PCDHB8: variants seen among roughly 807,000 people sequenced by gnomAD.
PCDHB8 encodes protocadherin beta-8.
For missense variants in PCDHB8, 836 were observed against 1,004.0 expected (o/e 0.83, Z 2.26); for synonymous variants, 385 against 448.5 (o/e 0.86, Z 1.79).
Position 141,180,210 on chromosome 5 carries a change from T to A in PCDHB8, c.2176T>A (p.Cys726Ser). The change falls in exon 1 of 1, where the codon TGC (cysteine) becomes AGC (serine). Residue 726 changes from cysteine (C) to serine (S), a missense_variant. Cys to Ser is a moderately radical substitution (Grantham distance 112, BLOSUM62 -1). Coordinates refer to ENST00000239444, the MANE Select transcript of PCDHB8 (RefSeq NM_019120.5). ...GAGCAGGGCGGCCTCGGTGGGTCGC[T>A]GCTCAGTGCCTGAGGGCCCCTTTCC... is the stretch of plus-strand genomic sequence containing the variant. ...RRSRAASVGR[C>S]SVPEGPFPGH... The A allele has an allele frequency of 6.2e-7, 1 of 1,612,622 alleles. No homozygotes were observed. Among genetic ancestry groups the A allele is most frequent in the Non-Finnish European group, 8.5e-7 (1 of 1,179,788 alleles).
rs781858287 is a variant in PCDHB8, at chr5:141,179,915, C to A, written c.1881C>A (p.Thr627=). ...GGGCGCACAATGGCGAGGTGCGCAC[C>A]GCCAGGCTGCTGAGCGAGCGCGACG... ...GVWAHNGEVR[T]ARLLSERDAA... is the part of the protein sequence containing the mutation. Residue 627 remains threonine, a synonymous_variant, in exon 1 of 1, where the codon ACC becomes ACA. Transcript: ENST00000239444. 22 of 1,609,054 alleles carry A rather than the reference C, an allele frequency of 1.4e-5. No homozygotes were observed. The Admixed American group carries it at 1.8e-4, about 13-fold the overall frequency.
In PCDHB8 at chr5:141,179,522, T is replaced by C. The variant is rs17844497; in HGVS notation, c.1488T>C (p.Asp496=). 197,292 of 1,507,258 alleles carry C rather than the reference T, an allele frequency of 0.13. 21,041 individuals are homozygous for C. The highest frequency in any genetic ancestry group is 0.17 in the Middle Eastern group (902 of 5,358). 93.4% of individuals were successfully genotyped at this position (1,507,258 alleles called of 1,614,324 possible). A position where few individuals can be genotyped will look rare whatever the true frequency, so the allele number is the denominator to read the frequency against. Residue 496 remains aspartate (D), a synonymous_variant, in exon 1 of 1, where the codon GAT becomes GAC. Coordinates refer to ENST00000239444, the MANE Select transcript of PCDHB8 (RefSeq NM_019120.5). ...CCTACTCGCTGCTGCCGCCCCAGGATCCGCACCTGCCCCTCGCCTCCCTGG... is the reference window on the plus strand; with the variant it reads ...CCTACTCGCTGCTGCCGCCCCAGGACCCGCACCTGCCCCTCGCCTCCCTGG... ...QVTYSLLPPQ[D]PHLPLASLVS...
In PCDHB8 at chr5:141,180,086, C is replaced by G. The variant is rs373119743; in HGVS notation, c.2052C>G (p.Ala684=). 1.2e-6 allele frequency: 2 copies of G among 1,610,234 alleles called. No individual in the cohort carries two copies. The highest frequency in any genetic ancestry group is 1.1e-5 in the South Asian group (1 of 90,998). ...AGGCTGCCCCAGCCCAGGGCCAGGC[C>G]GACTCTCTCACCGTCTACCTGGTGG... ...LPEAAPAQGQ[A]DSLTVYLVVA... is the part of the protein sequence containing the mutation. The change falls in exon 1 of 1, where the codon GCC becomes GCG. Residue 684 remains alanine (A), a synonymous_variant. Coordinates refer to ENST00000239444, the MANE Select transcript of PCDHB8 (RefSeq NM_019120.5).
rs1554281657 is a variant in PCDHB8, at chr5:141,180,250, A to T, written c.2216A>T (p.Asp739Val). 6.2e-7 allele frequency: 1 copy of T among 1,613,430 alleles called. No individual in the cohort carries two copies. Among genetic ancestry groups the T allele is most frequent in the East Asian group, 2.2e-5 (1 of 44,848 alleles). ...GGCCCCTTTCCAGGGCATCTGGTGG[A>T]CGTGAGGGGCACCGGGAGCCTGTCT... is the stretch of plus-strand genomic sequence containing the variant. Reference protein sequence around the residue: ...PEGPFPGHLVDVRGTGSLSQN... With the variant: ...PEGPFPGHLVVVRGTGSLSQN... Residue 739 changes from aspartate to valine, a missense_variant, in exon 1 of 1, where the codon GAC (aspartate) becomes GTC (valine). By Grantham distance (152) the Asp-to-Val change is radical. Coordinates refer to ENST00000239444, the MANE Select transcript of PCDHB8 (RefSeq NM_019120.5).
Position 141,177,794 on chromosome 5 carries a change from G to T in PCDHB8, c.-241G>T. On this transcript the variant is annotated 5_prime_UTR_variant, in exon 1 of 1. Transcript: ENST00000239444. ...AGATCCTGTGAGGACCCGTGGTGGC[G>T]CTGCAGGATAAGAAGGCACAAACCA... 1 of 630,172 alleles carries T rather than the reference G, an allele frequency of 1.6e-6. No individual in the cohort carries two copies. Among genetic ancestry groups the T allele is most frequent in the Admixed American group, 3.1e-5 (1 of 32,744 alleles). The allele number at this position is 630,172 out of a possible 1,614,324, so 39.0% of individuals were successfully genotyped here. A position where few individuals can be genotyped will look rare whatever the true frequency, so the allele number is the denominator to read the frequency against.
At position 141,180,014 on chromosome 5, in the gene PCDHB8, C is replaced by A. The variant is rs61735944; in HGVS notation, c.1980C>A (p.His660Gln). ...CGTGCTCGGCCACCGCCACGCTGCA[C>A]GTGCTCCTGGTGGACGGCTTCTCCC... The part of the protein sequence containing the change: ...EPPCSATATL[H>Q]VLLVDGFSQP... The change falls in exon 1 of 1, where the codon CAC becomes CAA. Residue 660 changes from histidine to glutamine, a missense_variant. His to Gln is a conservative substitution (Grantham distance 24, BLOSUM62 0). Transcript: ENST00000239444. The A allele has an allele frequency of 1.2e-3, 1,936 of 1,609,142 alleles. 11 individuals are homozygous for A. The African/African-American group carries it at 0.02, about 16-fold the overall frequency.
rs1753505949 is a variant in PCDHB8 at position 141,179,920 on chromosome 5, G to A, written c.1886G>A (p.Arg629Lys). The A allele has an allele frequency of 6.2e-7, 1 of 1,609,066 alleles. No individual in the cohort carries two copies. Among genetic ancestry groups the A allele is most frequent in the Admixed American group, 1.7e-5 (1 of 59,968 alleles). The change falls in exon 1 of 1, where the codon AGG becomes AAG. Residue 629 changes from arginine (R) to lysine (K), a missense_variant. Transcript: ENST00000239444. ...WAHNGEVRTA[R>K]LLSERDAAKQ... ...CACAATGGCGAGGTGCGCACCGCCA[G>A]GCTGCTGAGCGAGCGCGACGCGGCC...
At position 141,178,805 on chromosome 5, in the gene PCDHB8, A is replaced by T. The variant is rs782485411; in HGVS notation, c.771A>T (p.Pro257=). 1 of 1,614,148 alleles carries T rather than the reference A, an allele frequency of 6.2e-7. No homozygotes were observed. The highest frequency in any genetic ancestry group is 1.3e-5 in the African/African-American group (1 of 75,052). The change falls in exon 1 of 1, where the codon CCA becomes CCT. Residue 257 remains proline (P), a synonymous_variant. Transcript: ENST00000239444. ...FYRVQISEDS[P]ISFLVVKVSA... The stretch of plus-strand genomic sequence containing the variant: ...GGGTGCAGATCTCTGAGGACAGTCC[A>T]ATAAGCTTCCTGGTTGTGAAGGTCT...
rs1753530332 is a variant in PCDHB8 at position 141,180,317 on chromosome 5, G to A, written c.2283G>A (p.Gly761=). The A allele has an allele frequency of 6.2e-7, 1 of 1,614,102 alleles. No individual in the cohort carries two copies. The highest frequency in any genetic ancestry group is 1.3e-5 in the African/African-American group (1 of 75,052). The part of the protein sequence containing the change: ...QYEVCLAGGS[G]TNEFQLLKPV... ...AGGTGTGCCTGGCAGGAGGCTCAGG[G>A]ACGAATGAGTTCCAGCTCCTGAAAC... The change falls in exon 1 of 1, where the codon GGG becomes GGA. Residue 761 remains glycine, a synonymous_variant. Transcript: ENST00000239444.
rs782559882 is a variant in PCDHB8, at chr5:141,180,230, C to A, written c.2196C>A (p.Pro732=). Residue 732 remains proline (P), a synonymous_variant, in exon 1 of 1, where the codon CCC becomes CCA. Coordinates refer to ENST00000239444, the MANE Select transcript of PCDHB8 (RefSeq NM_019120.5). ...SVGRCSVPEG[P]FPGHLVDVRG... The stretch of plus-strand genomic sequence containing the variant: ...GTCGCTGCTCAGTGCCTGAGGGCCC[C>A]TTTCCAGGGCATCTGGTGGACGTGA... 2 of 1,613,344 alleles carry A rather than the reference C, an allele frequency of 1.2e-6. No individual in the cohort carries two copies. Among genetic ancestry groups the A allele is most frequent in the Non-Finnish European group, 1.7e-6 (2 of 1,180,004 alleles).
In PCDHB8 at chr5:141,179,129, G is replaced by C. The variant is rs112643003; in HGVS notation, c.1095G>C (p.Val365=). Residue 365 remains valine, a synonymous_variant, in exon 1 of 1, where the codon GTG becomes GTC. Transcript: ENST00000239444. ...TACCTGAGAATGCGCCTGAAACTGTGGTTGCACTTTTCAGTGTTTCAGACC... is the reference window on the plus strand; with the variant it reads ...TACCTGAGAATGCGCCTGAAACTGTCGTTGCACTTTTCAGTGTTTCAGACC... The part of the protein sequence containing the change: ...SPIPENAPET[V]VALFSVSDLD... 6.8e-6 allele frequency: 11 copies of C among 1,614,082 alleles called. No individual in the cohort carries two copies. In the African/African-American group the frequency reaches 9.3e-5, roughly 14 times the overall value.
In PCDHB8 at chr5:141,180,244, T is replaced by A. The variant is rs1432799380; in HGVS notation, c.2210T>A (p.Leu737Gln). 1 of 1,613,542 alleles carries A rather than the reference T, an allele frequency of 6.2e-7. No individual in the cohort carries two copies. Among genetic ancestry groups the A allele is most frequent in the Non-Finnish European group, 8.5e-7 (1 of 1,179,972 alleles). The change falls in exon 1 of 1, where the codon CTG becomes CAG. Residue 737 changes from leucine to glutamine, a missense_variant. Transcript: ENST00000239444. ...CCTGAGGGCCCCTTTCCAGGGCATC[T>A]GGTGGACGTGAGGGGCACCGGGAGC... ...SVPEGPFPGH[L>Q]VDVRGTGSLS...
rs534963787 is a variant in PCDHB8, at chr5:141,179,338, A to G, written c.1304A>G (p.His435Arg). 7 of 1,614,098 alleles carry G rather than the reference A, an allele frequency of 4.3e-6. No homozygotes were observed. The highest frequency in any genetic ancestry group is 2.2e-5 in the South Asian group (2 of 91,088). The part of the protein sequence containing the change: ...TDLGTPRLTT[H>R]LNMTVLVSDV... ...TTAGGGACACCCAGGCTGACAACAC[A>G]TCTCAATATGACCGTGCTGGTGTCG... Residue 435 changes from histidine (H) to arginine (R), a missense_variant, in exon 1 of 1, where the codon CAT becomes CGT. Coordinates refer to ENST00000239444, the MANE Select transcript of PCDHB8 (RefSeq NM_019120.5).
At position 141,178,965 on chromosome 5, in the gene PCDHB8, G is replaced by GA. The variant is rs782208162; in HGVS notation, c.936dup (p.Phe313IlefsTer5). The GA allele has an allele frequency of 6.2e-7, 1 of 1,614,088 alleles. No individual in the cohort carries two copies. The highest frequency in any genetic ancestry group is 8.5e-7 in the Non-Finnish European group (1 of 1,180,004). ...TCGACTAAAGAAACAACTTGATTTCGAAAAATTTCAGTCCTATGAAGTCAA... is the reference window on the plus strand; with the variant it reads ...TCGACTAAAGAAACAACTTGATTTCGAAAAAATTTCAGTCCTATGAAGTCAA... On this transcript the variant is annotated frameshift_variant, in exon 1 of 1. Coordinates refer to ENST00000239444, the MANE Select transcript of PCDHB8 (RefSeq NM_019120.5). LOFTEE classifies it low-confidence loss of function (END_TRUNC).
In PCDHB8 at chr5:141,177,839, A is replaced by G. The variant is rs1753416599; in HGVS notation, c.-196A>G. On this transcript the variant is annotated 5_prime_UTR_variant, in exon 1 of 1. Coordinates refer to ENST00000239444, the MANE Select transcript of PCDHB8 (RefSeq NM_019120.5). ...AAACCAGAACCGCAGCTGCAGCTCC[A>G]TTAACCGGCAAAAAGCAGCAGAACC... 1 of 623,822 alleles carries G rather than the reference A, an allele frequency of 1.6e-6. No homozygotes were observed. Among genetic ancestry groups the G allele is most frequent in the East Asian group, 3.0e-5 (1 of 33,268 alleles). The allele number at this position is 623,822 out of a possible 1,614,324, so 38.6% of individuals were successfully genotyped here. A position where few individuals can be genotyped will look rare whatever the true frequency, so the allele number is the denominator to read the frequency against.
Position 141,178,951 on chromosome 5 carries a change from A to G in PCDHB8, c.917A>G (p.Lys306Arg). Reference sequence around the variant, plus strand: ...TTGACAGGAGAAATTCGACTAAAGAAACAACTTGATTTCGAAAAATTTCAG... The same window carrying G: ...TTGACAGGAGAAATTCGACTAAAGAGACAACTTGATTTCGAAAAATTTCAG... ...DFLTGEIRLK[K>R]QLDFEKFQSY... The change falls in exon 1 of 1, where the codon AAA (lysine) becomes AGA (arginine). Residue 306 changes from lysine (K) to arginine (R), a missense_variant. Transcript: ENST00000239444. 6.2e-7 allele frequency: 1 copy of G among 1,614,258 alleles called. No homozygotes were observed. The highest frequency in any genetic ancestry group is 1.1e-5 in the South Asian group (1 of 91,082).
Position 141,180,390 on chromosome 5 carries a change from C to G in PCDHB8, c.2356C>G (p.Gln786Glu), listed in dbSNP as rs782541287. 14 of 1,608,264 alleles carry G rather than the reference C, an allele frequency of 8.7e-6. No homozygotes were observed. Among genetic ancestry groups the G allele is most frequent in the African/African-American group, 6.7e-5 (5 of 74,830 alleles). Residue 786 changes from glutamine to glutamate, a missense_variant, in exon 1 of 1, where the codon CAA (glutamine) becomes GAA (glutamate). Gln to Glu is a conservative substitution (Grantham distance 29). Coordinates refer to ENST00000239444, the MANE Select transcript of PCDHB8 (RefSeq NM_019120.5). The stretch of plus-strand genomic sequence containing the variant: ...CCATTCTTTTGGGCCAGAAATGGAA[C>G]AAAACTCTAACTTTAGGAATGGCTT... ...QGHSFGPEME[Q>E]NSNFRNGFGF...
In PCDHB8 at chr5:141,180,529, A is replaced by T; in HGVS notation, c.*89A>T. On this transcript the variant is annotated 3_prime_UTR_variant, in exon 1 of 1. Transcript: ENST00000239444. ...TAGCATAAATTTTAAATTACACTAC[A>T]TTTGCCCATAGTATTTGTCTTGTTT... The T allele has an allele frequency of 5.0e-6, 5 of 993,828 alleles. No homozygotes were observed. The highest frequency in any genetic ancestry group is 7.1e-6 in the Non-Finnish European group (5 of 704,344). The allele number at this position is 993,828 out of a possible 1,614,324, so 61.6% of individuals were successfully genotyped here.
chr5:141,178,965 G>A lies in PCDHB8; in HGVS notation c.931G>A (p.Glu311Lys), dbSNP rs148140727. The A allele has an allele frequency of 6.2e-7, 1 of 1,614,088 alleles. No homozygotes were observed. Among genetic ancestry groups the A allele is most frequent in the Non-Finnish European group, 8.5e-7 (1 of 1,180,004 alleles). The change falls in exon 1 of 1, where the codon GAA becomes AAA. Residue 311 changes from glutamate to lysine, a missense_variant. By Grantham distance (56) the Glu-to-Lys change is moderately conservative (BLOSUM62 1). Coordinates refer to ENST00000239444, the MANE Select transcript of PCDHB8 (RefSeq NM_019120.5). Reference sequence around the variant, plus strand: ...TCGACTAAAGAAACAACTTGATTTCGAAAAATTTCAGTCCTATGAAGTCAA... The same window carrying A: ...TCGACTAAAGAAACAACTTGATTTCAAAAAATTTCAGTCCTATGAAGTCAA... ...EIRLKKQLDF[E>K]KFQSYEVNIE...
Sources: gnomAD v4.1 joint callset for allele counts on GRCh38, gnomAD v4.1.1 for gene constraint, MANE v1.5 for transcripts, NCBI Gene and HGNC (gene_info 2026-07-23, HGNC 2026-07-21) for gene names.